Variants in TBCA observed in about 807,000 individuals in gnomAD.
TBCA encodes the protein tubulin folding cofactor A, also known as tubulin-specific chaperone A.
In TBCA, 6 loss-of-function variants were observed where a neutral mutation model predicts 15.8. That is an observed-to-expected ratio of 0.38 (90% CI 0.21 to 0.75). The LOEUF (loss-of-function observed/expected upper bound fraction) is 0.75. TBCA is among the 30% of genes least tolerant of loss of function. The pLI is 0.46. For synonymous variants in TBCA, 32 were observed against 42.3 expected (o/e 0.76, Z 0.94); for missense variants, 90 against 131.2 (o/e 0.69, Z 1.53).
rs376808143 is a variant in TBCA, at chr5:77,694,435, G to A, written c.160-1083C>T. Among the ~76,000 whole-genome samples the A allele has an allele frequency of 5.9e-5, 9 of 152,042 alleles. No homozygotes were observed. In the South Asian group the frequency reaches 1.5e-3, roughly 25 times the overall value. ...ACGTAAAGTCCATCATTCAAAACTG[G>A]ACTATAACACATCAAATCATGAAAG... is the stretch of plus-strand genomic sequence containing the variant. On this transcript the variant is annotated intron_variant, in intron 2 of 3. Transcript: ENST00000380377.
chr5:77,692,989 T>C, intron 3 of TBCA: 4 of 1,373,066 alleles, frequency 2.9e-6, no homozygotes, highest in Non-Finnish European at 3.7e-6. Context: ...AATCAAGACA[T>C]TGCTGGACAA....
chr5:77,729,434 C>G (rs1333852424), intron 1 of TBCA, among the ~76,000 whole-genome samples: 1 of 152,142 alleles, frequency 6.6e-6, no homozygotes, highest in Non-Finnish European at 1.5e-5. Context: ...AGAAAGTTGA[C>G]TTGTGAGCAT....
chr5:77,694,182 A>C (rs1466882882), intron 2 of TBCA: 9 of 152,250 alleles, frequency 5.9e-5, no homozygotes, highest in Non-Finnish European at 1.2e-4. Flanking sequence ...AGGTAAAGAA[A>C]AACGAAAAGC....
intron 1 of TBCA, among the ~76,000 whole-genome samples, chr5:77,741,618 G>C (rs1747033305): frequency 1.3e-5 from 2 of 152,202 alleles, no homozygotes; most frequent in South Asian, 4.1e-4. Context: ...TTAAGGACTA[G>C]TTAAGTATTA....
At chr5:77,720,815 C>A (rs1746514282) in intron 1 of TBCA, among the ~76,000 whole-genome samples, 1 of 152,166 alleles carries the variant, frequency 6.6e-6, no homozygotes, top group Non-Finnish European at 1.5e-5. Flanking sequence ...GGATGAACTG[C>A]ATCTGTACTT....
intron 2 of TBCA, among the ~76,000 whole-genome samples, chr5:77,701,703 A>G (rs1580092786): frequency 7.5e-6 from 1 of 133,004 alleles, no homozygotes; most frequent in Admixed American, 7.3e-5. Flanking sequence ...ATATATATAT[A>G]TATATATATA....
chr5:77,704,024 TC>T (rs1262660474), intron 2 of TBCA, among the ~76,000 whole-genome samples: 6 of 152,144 alleles, frequency 3.9e-5, no homozygotes, highest in Admixed American at 1.3e-4. Context: ...GGTGCTTGCT[TC>T]CCCTTCACAT....
chr5:77,708,462 TG>T (rs1746199836), intron 1 of TBCA, 115 bp from the exon 2 acceptor site: 3 of 595,238 alleles, frequency 5.0e-6, no homozygotes, highest in Admixed American at 3.0e-5. Flanking sequence ...ATATACTAGA[TG>T]GGGGGAGGAA....
At chr5:77,698,013 G>C (rs147367344) in intron 2 of TBCA, among the ~76,000 whole-genome samples, 2 of 152,016 alleles carry the variant, frequency 1.3e-5, no homozygotes, top group Non-Finnish European at 2.9e-5. Context: ...TCAGCTACTT[G>C]GGAGGCCAAA....
At chr5:77,707,653 A>G (rs1746179761) in intron 2 of TBCA, among the ~76,000 whole-genome samples, 1 of 152,216 alleles carries the variant, frequency 6.6e-6, no homozygotes, top group Non-Finnish European at 1.5e-5. Flanking sequence ...GAAATTTGTC[A>G]TGAAGACAAT....
Position 77,696,429 on chromosome 5 carries a change from G to GA in TBCA, c.160-3078dup, listed in dbSNP as rs200003752. 9.2e-3 allele frequency among the ~76,000 whole-genome samples: 1,392 copies of GA among 151,834 alleles called. 13 individuals are homozygous for GA. Among genetic ancestry groups the GA allele is most frequent in the Non-Finnish European group, 0.015 (1,018 of 67,906 alleles). ...ATTGTAAGAAGAATCTTAAGTCAAA[G>GA]AAAAAAAATGATCTTTGGGCCCTTA... is the stretch of plus-strand genomic sequence containing the variant. On this transcript the variant is annotated intron_variant, in intron 2 of 3. Coordinates refer to ENST00000380377, the MANE Select transcript of TBCA (RefSeq NM_004607.3).
intron 1 of TBCA, among the ~76,000 whole-genome samples, chr5:77,747,418 C>T (rs1009128646): frequency 6.6e-6 from 1 of 152,036 alleles, no homozygotes; most frequent in African/African-American, 2.4e-5. Context: ...TTAAAGACTA[C>T]ATAGAATCTA....
chr5:77,744,708 G>C (rs539325459), intron 1 of TBCA, among the ~76,000 whole-genome samples: 1 of 151,814 alleles, frequency 6.6e-6, no homozygotes, highest in African/African-American at 2.4e-5. Flanking sequence ...GCTAATTTTT[G>C]TATTTTTAGT....
intron 2 of TBCA, among the ~76,000 whole-genome samples, chr5:77,701,657 C>G (rs1746016593): frequency 7.9e-6 from 1 of 126,954 alleles, no homozygotes; most frequent in South Asian, 2.5e-4. Context: ...GTCCATCAAT[C>G]AACAAGTGGA....
intron 1 of TBCA, among the ~76,000 whole-genome samples, chr5:77,727,668 C>T (rs1411768022): frequency 6.6e-6 from 1 of 152,050 alleles, no homozygotes; most frequent in Admixed American, 6.5e-5. Context: ...AAGGCAAGAA[C>T]ATGAAAAAGA....
chr5:77,711,945 T>C (rs1746286498), intron 1 of TBCA, among the ~76,000 whole-genome samples: 1 of 152,008 alleles, frequency 6.6e-6, no homozygotes. Context: ...AAACAAGTTA[T>C]TGAATAGCAT....
At chr5:77,756,353 AC>A (rs35721940) in intron 1 of TBCA, among the ~76,000 whole-genome samples, 10,799 of 152,258 alleles carry the variant, frequency 0.071, 531 homozygotes, top group African/African-American at 0.14. Context: ...GGGCTGCTGC[AC>A]AAGTCACAAG....
chr5:77,699,070 C>CTA (rs1386710914), intron 2 of TBCA, among the ~76,000 whole-genome samples: 2 of 137,352 alleles, frequency 1.5e-5, no homozygotes, highest in African/African-American at 2.8e-5. Flanking sequence ...AAATACTTAG[C>CTA]TATACATTTA....
At chr5:77,731,207 T>C (rs536616213) in intron 1 of TBCA, among the ~76,000 whole-genome samples, 2 of 152,206 alleles carry the variant, frequency 1.3e-5, no homozygotes, top group Non-Finnish European at 2.9e-5. Flanking sequence ...ATACTGGTGT[T>C]TTCATCTATG....
Sources: allele counts gnomAD v4.1 joint callset (sites outside exome capture counted in the v4.1 genomes callset), GRCh38; gene constraint gnomAD v4.1.1; transcripts MANE v1.5; gene names NCBI Gene and HGNC (gene_info 2026-07-23, HGNC 2026-07-21).